The following WWP2 variants were observed in gnomAD, a reference collection of about 807,000 sequenced individuals.
The protein encoded by WWP2 is WW domain containing E3 ubiquitin protein ligase 2.
Under a neutral mutation model 121.0 loss-of-function variants are expected in WWP2, and 57 were observed. The ratio of observed to expected loss-of-function variants is 0.47; its 90% CI spans 0.38 to 0.59. WWP2 has a LOEUF of 0.59. Among genes scored for constraint, WWP2 ranks in the 20% least tolerant of loss-of-function variants. The pLI, the probability that WWP2 is intolerant of heterozygous loss-of-function variation, is 0.00. For missense variants in WWP2, 962 were observed against 1,158.9 expected, an observed-to-expected ratio of 0.83 and a Z score of 2.47; for synonymous variants, 449 against 441.3, an observed-to-expected ratio of 1.02 and a Z score of -0.22.
At chr16:69,818,806 G>T (rs2056542687) in intron 4 of WWP2, among the ~76,000 whole-genome samples, 1 of 152,076 alleles carries the variant, frequency 6.6e-6, no homozygotes, top group Non-Finnish European at 1.5e-5. Context: ...CTCCATGGTG[G>T]CTTTGTCCTG....
chr16:69,913,397 G>A (rs1002904627), intron 9 of WWP2, among the ~76,000 whole-genome samples: 1 of 152,020 alleles, frequency 6.6e-6, no homozygotes, highest in South Asian at 2.1e-4. Context: ...AGCTACTTGG[G>A]AGGCTGAGGT....
chr16:69,879,016 A>T (rs1383899121), intron 7 of WWP2, among the ~76,000 whole-genome samples: 2 of 152,196 alleles, frequency 1.3e-5, no homozygotes, highest in African/African-American at 2.4e-5. Context: ...TGCTAATAGT[A>T]TTAAGTGCCA....
intron 8 of WWP2, among the ~76,000 whole-genome samples, chr16:69,897,967 A>T (rs1353097067): frequency 6.6e-6 from 1 of 152,070 alleles, no homozygotes; most frequent in Admixed American, 6.5e-5. Context: ...TGGCTGCAGT[A>T]AAGTTTTCCT....
chr16:69,820,128 GA>G (rs1174744593), intron 4 of WWP2, among the ~76,000 whole-genome samples: 2 of 152,212 alleles, frequency 1.3e-5, no homozygotes, highest in Non-Finnish European at 2.9e-5. Context: ...AGCTACTCAG[GA>G]GGGTGAGGCA....
At chr16:69,916,004 C>G (rs1466921232) in intron 9 of WWP2, among the ~76,000 whole-genome samples, 1 of 149,728 alleles carries the variant, frequency 6.7e-6, no homozygotes, top group Non-Finnish European at 1.5e-5. Flanking sequence ...TGCTACTCTA[C>G]TCTAGCCTGG....
At chr16:69,816,768 TACAC>T (rs776898394) in intron 4 of WWP2, among the ~76,000 whole-genome samples, 4 of 151,874 alleles carry the variant, frequency 2.6e-5, no homozygotes, top group Non-Finnish European at 4.4e-5. Context: ...CATATACACA[TACAC>T]ACATACACAT....
At chr16:69,838,326 T>C (rs929607762) in intron 4 of WWP2, among the ~76,000 whole-genome samples, 1 of 151,794 alleles carries the variant, frequency 6.6e-6, no homozygotes, top group East Asian at 1.9e-4. Context: ...ACTAGAACTG[T>C]GAATTAAACT....
At chr16:69,895,736 G>C (rs2058095392) in intron 8 of WWP2, among the ~76,000 whole-genome samples, 1 of 152,174 alleles carries the variant, frequency 6.6e-6, no homozygotes, top group South Asian at 2.1e-4. Context: ...CTTCAGCCTG[G>C]ATGACTGAGT....
At chr16:69,840,068 A>T in intron 4 of WWP2, 58 bp from the exon 5 acceptor site, 2 of 1,598,612 alleles carry the variant, frequency 1.3e-6, no homozygotes, top group Non-Finnish European at 1.7e-6. Flanking sequence ...AATTTAGAGA[A>T]TCTTAACTTG....
intron 10 of WWP2, among the ~76,000 whole-genome samples, chr16:69,922,325 T>C (rs999650493): frequency 2.0e-5 from 3 of 152,196 alleles, no homozygotes; most frequent in Admixed American, 1.3e-4. Flanking sequence ...CTCAGCTGTA[T>C]TTGCTAGACA....
intron 8 of WWP2, among the ~76,000 whole-genome samples, chr16:69,908,521 C>A (rs1306281532): frequency 6.6e-6 from 1 of 152,208 alleles, no homozygotes; most frequent in Non-Finnish European, 1.5e-5. Flanking sequence ...TTAGAGTGAT[C>A]TATAGTGGAT....
chr16:69,901,335 ATTC>A (rs1294519047), intron 8 of WWP2, among the ~76,000 whole-genome samples: 1 of 152,174 alleles, frequency 6.6e-6, no homozygotes. Flanking sequence ...CTTCCAGTGT[ATTC>A]TTCTTAAGTT....
At chr16:69,825,058 G>A (rs1033898770) in intron 4 of WWP2, among the ~76,000 whole-genome samples, 2 of 151,988 alleles carry the variant, frequency 1.3e-5, no homozygotes, top group Non-Finnish European at 2.9e-5. Flanking sequence ...CACTGTGCTC[G>A]GCCTTGCATC....
chr16:69,886,825 A>G (rs2151936764), intron 7 of WWP2, among the ~76,000 whole-genome samples: 1 of 152,230 alleles, frequency 6.6e-6, no homozygotes, highest in East Asian at 1.9e-4. Context: ...ATGATTCTAT[A>G]GTGAGCTCCC....
At chr16:69,826,288 C>T (rs917022254) in intron 4 of WWP2, among the ~76,000 whole-genome samples, 1 of 147,612 alleles carries the variant, frequency 6.8e-6, no homozygotes, top group African/African-American at 2.5e-5. Flanking sequence ...AAAAAGTAGA[C>T]CAGGCGCAGT....
chr16:69,832,352 C>CA (rs57805922), intron 4 of WWP2, among the ~76,000 whole-genome samples: 127,671 of 151,894 alleles, frequency 0.84, 53,963 homozygotes, highest in Admixed American at 0.9. Context: ...ATGAAAATCC[C>CA]GACATACTTC....
intron 5 of WWP2, among the ~76,000 whole-genome samples, chr16:69,840,586 A>G (rs1442033433): frequency 6.6e-6 from 1 of 152,188 alleles, no homozygotes; most frequent in Non-Finnish European, 1.5e-5. Flanking sequence ...TTCCTTCCCA[A>G]TACAGTTACA....
At chr16:69,921,214 C>A (rs894900737) in intron 10 of WWP2, among the ~76,000 whole-genome samples, 1 of 152,218 alleles carries the variant, frequency 6.6e-6, no homozygotes, top group Non-Finnish European at 1.5e-5. Flanking sequence ...TTTCCTCCCC[C>A]TCTGGCATTG....
At chr16:69,827,461 A>G (rs538331948) in intron 4 of WWP2, among the ~76,000 whole-genome samples, 2 of 152,326 alleles carry the variant, frequency 1.3e-5, no homozygotes, top group South Asian at 4.1e-4. Context: ...ATAATCACTA[A>G]TCCAAATCTT....
Sources: gnomAD v4.1 joint callset for allele counts (sites outside exome capture counted in the v4.1 genomes callset) on GRCh38, gnomAD v4.1.1 for gene constraint, MANE v1.5 for transcripts, NCBI Gene and HGNC (gene_info 2026-07-23, HGNC 2026-07-21) for gene names.